The following PCED1B variants were observed in gnomAD, a reference collection of about 807,000 sequenced individuals.
The protein encoded by PCED1B is PC-esterase domain containing 1B, also known as PC-esterase domain-containing protein 1B.
For missense variants in PCED1B, 573 were observed against 573.9 expected (o/e 1.00, Z 0.02); for synonymous variants, 251 against 246.1 (o/e 1.02, Z -0.19).
At chr12:47,169,305 C>T (rs1941643121) in intron 2 of PCED1B, among the ~76,000 whole-genome samples, 1 of 152,174 alleles carries the variant, frequency 6.6e-6, no homozygotes, top group Non-Finnish European at 1.5e-5. Context: ...TCCATCTTCC[C>T]ATCTTCGGTG....
chr12:47,202,043 T>C (rs1440494750), intron 2 of PCED1B, among the ~76,000 whole-genome samples: 4 of 152,244 alleles, frequency 2.6e-5, no homozygotes, highest in Admixed American at 1.3e-4. Flanking sequence ...AGTTAGTATA[T>C]TGATGTTACA....
chr12:47,217,107 A>G lies in PCED1B; in HGVS notation c.-58+418A>G, dbSNP rs1006123165. On this transcript the variant is annotated intron_variant, in intron 3 of 3. Coordinates refer to ENST00000546455, the MANE Select transcript of PCED1B (RefSeq NM_138371.3). ...ATTTTTAAAAGTATAAAATGGAGAA[A>G]ATTAGAATATGTAGTCCAGGTGCGG... Among the ~76,000 whole-genome samples the G allele has an allele frequency of 3.9e-5, 6 of 152,074 alleles. No homozygotes were observed. In the South Asian group the frequency reaches 1.2e-3, roughly 31 times the overall value.
intron 2 of PCED1B, among the ~76,000 whole-genome samples, chr12:47,202,594 TAAAAAAAAAAA>T (rs60769675): frequency 1.5e-5 from 1 of 66,676 alleles, no homozygotes; most frequent in Non-Finnish European, 2.9e-5. Flanking sequence ...TAGACATTAG[TAAAAAAAAAAA>T]AAAAAAAAAA....
chr12:47,214,667 G>A (rs1943194935), intron 2 of PCED1B, among the ~76,000 whole-genome samples: 1 of 151,914 alleles, frequency 6.6e-6, no homozygotes, highest in African/African-American at 2.4e-5. Context: ...AAAAGAAAAG[G>A]AAAAAACATT....
intron 2 of PCED1B, among the ~76,000 whole-genome samples, chr12:47,178,429 G>A (rs1228149603): frequency 6.6e-6 from 1 of 152,240 alleles, no homozygotes; most frequent in African/African-American, 2.4e-5. Flanking sequence ...ACTTAAGCAG[G>A]TGGAGTGCTG....
At chr12:47,098,270 G>A (rs943913028) in intron 1 of PCED1B, among the ~76,000 whole-genome samples, 1 of 152,174 alleles carries the variant, frequency 6.6e-6, no homozygotes, top group Non-Finnish European at 1.5e-5. Context: ...AGAAACTACG[G>A]TCAGTGACTA....
chr12:47,133,754 T>C (rs1316702746), intron 2 of PCED1B, among the ~76,000 whole-genome samples: 1 of 152,184 alleles, frequency 6.6e-6, no homozygotes, highest in Non-Finnish European at 1.5e-5. Context: ...AAGGTCCTTG[T>C]TATGGACTGA....
intron 1 of PCED1B, among the ~76,000 whole-genome samples, chr12:47,089,156 CA>C (rs1219376218): frequency 6.6e-6 from 1 of 151,778 alleles, no homozygotes; most frequent in Non-Finnish European, 1.5e-5. Flanking sequence ...AAATATAAAC[CA>C]AAAGGCCAGG....
chr12:47,132,964 A>G (rs1940192939), intron 2 of PCED1B, among the ~76,000 whole-genome samples: 1 of 152,238 alleles, frequency 6.6e-6, no homozygotes, highest in African/African-American at 2.4e-5. Flanking sequence ...ACACTGATAC[A>G]TAGTTCAATA....
At chr12:47,174,367 C>T (rs1195968277) in intron 2 of PCED1B, among the ~76,000 whole-genome samples, 1 of 150,890 alleles carries the variant, frequency 6.6e-6, no homozygotes. Context: ...GGAGATTGCG[C>T]TACCGCACTC....
intron 2 of PCED1B, among the ~76,000 whole-genome samples, chr12:47,201,070 G>A (rs955776898): frequency 2.0e-4 from 31 of 152,090 alleles, no homozygotes; most frequent in African/African-American, 5.8e-4. Context: ...GCCAAGAGAC[G>A]GCTAACGCTC....
At chr12:47,122,037 A>G (rs1939700941) in intron 2 of PCED1B, among the ~76,000 whole-genome samples, 1 of 151,956 alleles carries the variant, frequency 6.6e-6, no homozygotes, top group Admixed American at 6.6e-5. Flanking sequence ...AAAAAAAAAA[A>G]AAAAAAGATG....
chr12:47,094,046 G>A (rs1315080111), intron 1 of PCED1B, among the ~76,000 whole-genome samples: 2 of 152,038 alleles, frequency 1.3e-5, no homozygotes, highest in East Asian at 3.8e-4. Flanking sequence ...CCCACTGTGA[G>A]TGCTGATTTG....
At chr12:47,160,719 G>A (rs1312314080) in intron 2 of PCED1B, among the ~76,000 whole-genome samples, 1 of 150,806 alleles carries the variant, frequency 6.6e-6, no homozygotes, top group Non-Finnish European at 1.5e-5. Context: ...TTTACATTTA[G>A]TTATTTGCTA....
intron 2 of PCED1B, among the ~76,000 whole-genome samples, chr12:47,145,034 T>C (rs1241604240): frequency 1.3e-5 from 2 of 152,188 alleles, no homozygotes; most frequent in African/African-American, 2.4e-5. Context: ...GTTAACCAGG[T>C]TGTAAATGCA....
At chr12:47,109,759 TA>T (rs1216180669) in intron 2 of PCED1B, among the ~76,000 whole-genome samples, 1 of 152,202 alleles carries the variant, frequency 6.6e-6, no homozygotes, top group Non-Finnish European at 1.5e-5. Context: ...AAAACTTTTT[TA>T]AAAGGCTATT....
intron 2 of PCED1B, among the ~76,000 whole-genome samples, chr12:47,172,340 C>CTTTTTTTTTTTTTTTTTTTTTT (rs34230051): frequency 8.9e-5 from 7 of 78,334 alleles, no homozygotes; most frequent in South Asian, 5.7e-4. Flanking sequence ...TCGTGGGTTG[C>CTTTTTTTTTTTTTTTTTTTTTT]TTTTTTTTTT....
chr12:47,172,153 G>A (rs1941764215), intron 2 of PCED1B, among the ~76,000 whole-genome samples: 1 of 152,068 alleles, frequency 6.6e-6, no homozygotes, highest in Non-Finnish European at 1.5e-5. Flanking sequence ...ATATTTGCAT[G>A]TAGGTCTCCT....
intron 2 of PCED1B, among the ~76,000 whole-genome samples, chr12:47,106,785 C>G (rs539485462): frequency 4.0e-4 from 61 of 152,140 alleles, no homozygotes; most frequent in African/African-American, 1.5e-3. Flanking sequence ...CTTTTTCCTC[C>G]AGCTTTTTTT....
Sources: allele counts gnomAD v4.1 joint callset (sites outside exome capture counted in the v4.1 genomes callset), GRCh38; gene constraint gnomAD v4.1.1; transcripts MANE v1.5; gene names NCBI Gene and HGNC (gene_info 2026-07-23, HGNC 2026-07-21).